RNLS: variants seen among roughly 807,000 people sequenced by gnomAD.
RNLS encodes renalase.
Under a neutral mutation model 39.8 loss-of-function variants are expected in RNLS, and 39 were observed. The observed-to-expected ratio is 0.98, with a 90% CI of 0.76 to 1.28. The LOEUF (loss-of-function observed/expected upper bound fraction) is 1.28, where lower values mean the gene tolerates loss of function less well. Among genes scored for constraint, RNLS ranks in the 50% most tolerant of loss-of-function variants. RNLS has a pLI of 0.00. For synonymous variants in RNLS, 147 were observed against 150.7 expected, an observed-to-expected ratio of 0.98 and a Z score of 0.18; for missense variants, 410 against 413.3, an observed-to-expected ratio of 0.99 and a Z score of 0.07.
the RNLS span, among the ~76,000 whole-genome samples, chr10:88,261,516 G>A: frequency 1.3e-5 from 2 of 152,164 alleles, no homozygotes; most frequent in Non-Finnish European, 2.9e-5. Context: ...AGGGGAAAGA[G>A]TACCTCTTAT....
At chr10:88,188,195 T>C in the RNLS span, among the ~76,000 whole-genome samples, 5 of 152,186 alleles carry the variant, frequency 3.3e-5, no homozygotes, top group African/African-American at 1.2e-4. Context: ...TAGCTAGGAC[T>C]ACAAGTGTGG....
chr10:88,439,253 T>G (rs1304016589), intron 4 of RNLS, among the ~76,000 whole-genome samples: 1 of 152,238 alleles, frequency 6.6e-6, no homozygotes, highest in Non-Finnish European at 1.5e-5. Context: ...GGATATTCAG[T>G]AAGAACATGT....
chr10:88,467,028 T>C (rs975408398), intron 4 of RNLS, among the ~76,000 whole-genome samples: 2 of 152,212 alleles, frequency 1.3e-5, no homozygotes, highest in Non-Finnish European at 2.9e-5. Context: ...ATGGAAATGC[T>C]GTCCGAGAGT....
At chr10:88,517,385 GATA>G (rs1180553131) in intron 4 of RNLS, among the ~76,000 whole-genome samples, 2 of 151,850 alleles carry the variant, frequency 1.3e-5, no homozygotes, top group Admixed American at 1.3e-4. Context: ...ATAAAATAGA[GATA>G]ATAATATTTG....
intron 5 of RNLS, among the ~76,000 whole-genome samples, chr10:88,334,022 T>C (rs1184543698): frequency 3.3e-5 from 5 of 152,234 alleles, no homozygotes; most frequent in Admixed American, 6.5e-5. Flanking sequence ...TATTTTGTTA[T>C]AGGAGCACAA....
chr10:88,262,728 C>G, the RNLS span, among the ~76,000 whole-genome samples: 1 of 152,188 alleles, frequency 6.6e-6, no homozygotes, highest in Non-Finnish European at 1.5e-5. Context: ...CACACATTTT[C>G]AAGGTCTCCC....
At chr10:88,402,954 C>T (rs1445396631) in intron 4 of RNLS, among the ~76,000 whole-genome samples, 2 of 151,974 alleles carry the variant, frequency 1.3e-5, no homozygotes, top group Non-Finnish European at 2.9e-5. Flanking sequence ...AGCTTATCTC[C>T]TGATAGAATA....
intron 4 of RNLS, among the ~76,000 whole-genome samples, chr10:88,523,056 C>T (rs1452714868): frequency 4.6e-5 from 7 of 152,008 alleles, no homozygotes; most frequent in Admixed American, 3.9e-4. Flanking sequence ...AAACAGCTGT[C>T]CAGGGAAGAG....
At chr10:88,462,770 G>A (rs1408243757) in intron 4 of RNLS, among the ~76,000 whole-genome samples, 1 of 151,618 alleles carries the variant, frequency 6.6e-6, no homozygotes, top group African/African-American at 2.4e-5. Context: ...GGAAGTTGAG[G>A]ATCAAAAACT....
chr10:88,221,003 C>T, the RNLS span, among the ~76,000 whole-genome samples: 2 of 152,198 alleles, frequency 1.3e-5, no homozygotes, highest in Non-Finnish European at 1.5e-5. Context: ...TCTTTCCACT[C>T]TGGTGCATTT....
chr10:88,303,661 C>T (rs1232551798), intron 6 of RNLS, among the ~76,000 whole-genome samples: 2 of 152,184 alleles, frequency 1.3e-5, no homozygotes, highest in Admixed American at 1.3e-4. Context: ...CGCCCACCCT[C>T]CCCCTACCAA....
intron 3 of RNLS, among the ~76,000 whole-genome samples, chr10:88,577,226 C>T (rs1463772082): frequency 1.3e-5 from 2 of 152,124 alleles, no homozygotes; most frequent in Non-Finnish European, 2.9e-5. Flanking sequence ...TTCTATTGAA[C>T]CATGTGTCTA....
the RNLS span, among the ~76,000 whole-genome samples, chr10:88,260,540 C>T: frequency 1.3e-5 from 2 of 152,204 alleles, no homozygotes; most frequent in African/African-American, 2.4e-5. Flanking sequence ...AATGTGAACT[C>T]ATTTGACTTT....
At chr10:88,492,811 C>T (rs959334984) in intron 4 of RNLS, among the ~76,000 whole-genome samples, 1 of 152,030 alleles carries the variant, frequency 6.6e-6, no homozygotes, top group Non-Finnish European at 1.5e-5. Context: ...CAAATATTTA[C>T]TAAAGGACAA....
chr10:88,192,806 A>T, the RNLS span, among the ~76,000 whole-genome samples: 334 of 152,340 alleles, frequency 2.2e-3, 5 homozygotes, highest in East Asian at 0.047. Context: ...TTTAGTATTT[A>T]TAGGAAAGCT....
At chr10:88,550,937 C>G (rs1342127153) in intron 4 of RNLS, among the ~76,000 whole-genome samples, 3 of 152,134 alleles carry the variant, frequency 2.0e-5, no homozygotes, top group Non-Finnish European at 1.5e-5. Context: ...CATTTAGAGG[C>G]TGATATTTAG....
At chr10:88,461,705 A>G (rs569704120) in intron 4 of RNLS, among the ~76,000 whole-genome samples, 6 of 152,220 alleles carry the variant, frequency 3.9e-5, no homozygotes, top group Non-Finnish European at 5.9e-5. Context: ...AAATGCTAGG[A>G]ATATACCAAG....
chr10:88,380,953 AAT>A (rs1425783140), intron 4 of RNLS, among the ~76,000 whole-genome samples: 3 of 152,258 alleles, frequency 2.0e-5, no homozygotes, highest in Admixed American at 6.5e-5. Context: ...TTCTTAAATA[AAT>A]ATATGTCTAT....
intron 4 of RNLS, among the ~76,000 whole-genome samples, chr10:88,445,429 C>G (rs1841978089): frequency 6.6e-6 from 1 of 152,130 alleles, no homozygotes; most frequent in Non-Finnish European, 1.5e-5. Context: ...ATAACCAGCT[C>G]ACATCATAAT....
Sources: gnomAD v4.1 joint callset for allele counts (sites outside exome capture counted in the v4.1 genomes callset) on GRCh38, gnomAD v4.1.1 for gene constraint, MANE v1.5 for transcripts, NCBI Gene and HGNC (gene_info 2026-07-23, HGNC 2026-07-21) for gene names.